TUSC3: variants seen among roughly 807,000 people sequenced by gnomAD.
TUSC3 encodes the protein dolichyl-diphosphooligosaccharide--protein glycosyltransferase subunit TUSC3.
TUSC3 carries 45 observed loss-of-function variants against 44.8 expected under a neutral mutation model. The observed-to-expected ratio is 1.00, with a 90% confidence interval of 0.79 to 1.29. The LOEUF is 1.29. Among genes scored for constraint, TUSC3 ranks in the 50% most tolerant of loss-of-function variants. TUSC3 has a pLI of 0.00. For missense variants in TUSC3, 519 were observed against 437.9 expected, an observed-to-expected ratio of 1.19 and a Z score of -1.65; for synonymous variants, 212 against 152.9, an observed-to-expected ratio of 1.39 and a Z score of -2.85.
the TUSC3 span, among the ~76,000 whole-genome samples, chr8:15,783,550 A>G: frequency 6.6e-6 from 1 of 151,954 alleles, no homozygotes; most frequent in Non-Finnish European, 1.5e-5. Context: ...AATAGGATAC[A>G]GACTCTAGAA....
At chr8:15,423,772 T>A (rs2129115592) in intron 1 of TUSC3, among the ~76,000 whole-genome samples, 1 of 151,974 alleles carries the variant, frequency 6.6e-6, no homozygotes, top group Middle Eastern at 3.4e-3. Flanking sequence ...AAGTCTGAGG[T>A]AAATGGAAAT....
At chr8:15,727,367 C>CA (rs1309702923) in intron 6 of TUSC3, among the ~76,000 whole-genome samples, 2 of 152,110 alleles carry the variant, frequency 1.3e-5, no homozygotes, top group African/African-American at 4.8e-5. Flanking sequence ...CATTAGTAGA[C>CA]AAAATGTATT....
At chr8:15,705,646 C>T (rs1809585350) in intron 6 of TUSC3, among the ~76,000 whole-genome samples, 3 of 151,936 alleles carry the variant, frequency 2.0e-5, no homozygotes, top group African/African-American at 7.2e-5. Flanking sequence ...GAGCATGGCC[C>T]TATGTGATAG....
intron 6 of TUSC3, among the ~76,000 whole-genome samples, chr8:15,726,539 CT>C (rs1810504251): frequency 6.6e-6 from 1 of 152,138 alleles, no homozygotes; most frequent in African/African-American, 2.4e-5. Context: ...GGTGCGGTGG[CT>C]CACGCCTGTA....
chr8:15,836,381 G>A, the TUSC3 span, among the ~76,000 whole-genome samples: 2 of 151,396 alleles, frequency 1.3e-5, no homozygotes, highest in South Asian at 4.2e-4. Flanking sequence ...GGATGCTGAG[G>A]CAGCAGAATC....
intron 2 of TUSC3, among the ~76,000 whole-genome samples, chr8:15,529,073 C>T (rs937023440): frequency 6.6e-6 from 1 of 152,328 alleles, no homozygotes; most frequent in African/African-American, 2.4e-5. Flanking sequence ...AAGTAAGTGA[C>T]ATACTGTTTG....
chr8:15,452,836 G>C (rs148392501), intron 1 of TUSC3, among the ~76,000 whole-genome samples: 3 of 152,242 alleles, frequency 2.0e-5, no homozygotes, highest in African/African-American at 7.2e-5. Flanking sequence ...TTTCCTTACA[G>C]TAAGCTCCTC....
At chr8:15,467,026 C>G (rs1377375575) in intron 1 of TUSC3, among the ~76,000 whole-genome samples, 1 of 152,048 alleles carries the variant, frequency 6.6e-6, no homozygotes. Flanking sequence ...GAGTTGATCT[C>G]ATTGCATATA....
At chr8:15,593,792 CTGT>C (rs1214833677) in intron 1 of TUSC3, among the ~76,000 whole-genome samples, 1 of 152,102 alleles carries the variant, frequency 6.6e-6, no homozygotes, top group Non-Finnish European at 1.5e-5. Context: ...GCTCTGTGCA[CTGT>C]TGTTTACCAT....
chr8:15,650,195 A>G (rs1268629443), intron 2 of TUSC3, among the ~76,000 whole-genome samples: 1 of 152,234 alleles, frequency 6.6e-6, no homozygotes, highest in Non-Finnish European at 1.5e-5. Flanking sequence ...AATAAGGTGG[A>G]GTATAAGTAT....
At chr8:15,800,026 A>C in the TUSC3 span, among the ~76,000 whole-genome samples, 2 of 152,166 alleles carry the variant, frequency 1.3e-5, no homozygotes, top group Non-Finnish European at 2.9e-5. Flanking sequence ...CCAATTGTTT[A>C]TAACGGGCAG....
chr8:15,798,068 C>A, the TUSC3 span, among the ~76,000 whole-genome samples: 1 of 152,162 alleles, frequency 6.6e-6, no homozygotes, highest in African/African-American at 2.4e-5. Flanking sequence ...ACATAAGGTA[C>A]GGAGCTATTT....
At chr8:15,530,495 C>A (rs914650738) in intron 2 of TUSC3, among the ~76,000 whole-genome samples, 3 of 152,052 alleles carry the variant, frequency 2.0e-5, no homozygotes, top group African/African-American at 7.2e-5. Context: ...CCTCATTTTA[C>A]AAATAAAGAA....
At chr8:15,482,765 A>G (rs926214599) in intron 1 of TUSC3, among the ~76,000 whole-genome samples, 4 of 152,236 alleles carry the variant, frequency 2.6e-5, no homozygotes, top group Non-Finnish European at 5.9e-5. Flanking sequence ...AAATCTGTAT[A>G]TACAGAAATT....
intron 1 of TUSC3, among the ~76,000 whole-genome samples, chr8:15,596,675 T>C (rs1036582869): frequency 1.3e-5 from 2 of 152,182 alleles, no homozygotes; most frequent in Non-Finnish European, 2.9e-5. Flanking sequence ...CTTTAATTGA[T>C]TTTATTTAAT....
Position 15,716,368 on chromosome 8 carries a change from T to G in TUSC3, c.799-14298T>G, listed in dbSNP as rs74548839. Among the ~76,000 whole-genome samples, 1,057 of 148,968 alleles carry G rather than the reference T, an allele frequency of 7.1e-3. 16 individuals are homozygous for G. The highest frequency in any genetic ancestry group is 0.025 in the African/African-American group (1,005 of 40,718). The stretch of plus-strand genomic sequence containing the variant: ...GGGATTTCGTATGAATTAACCAGCT[T>G]AAAAAAAAAAGCCAGTTTAAAGAAA... On this transcript the variant is annotated intron_variant, in intron 6 of 10. Coordinates refer to ENST00000503731, the MANE Select transcript of TUSC3 (RefSeq NM_006765.4).
the TUSC3 span, among the ~76,000 whole-genome samples, chr8:15,795,410 T>G: frequency 1.3e-5 from 2 of 152,282 alleles, no homozygotes; most frequent in Admixed American, 1.3e-4. Flanking sequence ...GGGACAAATT[T>G]TGTATCACCA....
At chr8:15,810,647 GA>G in the TUSC3 span, among the ~76,000 whole-genome samples, 1 of 151,818 alleles carries the variant, frequency 6.6e-6, no homozygotes, top group African/African-American at 2.4e-5. Flanking sequence ...TGTGGCCAAG[GA>G]GGGGGGGCGG....
intron 1 of TUSC3, among the ~76,000 whole-genome samples, chr8:15,554,237 G>A (rs1225982371): frequency 6.6e-6 from 1 of 151,802 alleles, no homozygotes; most frequent in Non-Finnish European, 1.5e-5. Context: ...CAAACATGCA[G>A]ACCTAGCAGG....
Sources: allele counts gnomAD v4.1 joint callset (sites outside exome capture counted in the v4.1 genomes callset), GRCh38; gene constraint gnomAD v4.1.1; transcripts MANE v1.5; gene names NCBI Gene and HGNC (gene_info 2026-07-23, HGNC 2026-07-21).